APOLD1: variants seen among roughly 807,000 people sequenced by gnomAD.
APOLD1 encodes the protein apolipoprotein L domain containing 1.
Under a neutral mutation model 15.3 loss-of-function variants are expected in APOLD1, and 22 were observed. The observed-to-expected ratio is 1.44, with a 90% CI of 1.03 to 2.05. The LOEUF (loss-of-function observed/expected upper bound fraction) is 2.05, where lower values mean the gene tolerates loss of function less well. Among genes scored for constraint, APOLD1 ranks in the 30% most tolerant of loss-of-function variants. The pLI, the probability that APOLD1 is intolerant of heterozygous loss-of-function variation, is 0.00. For missense variants in APOLD1, 394 were observed against 353.5 expected (o/e 1.11, Z -0.92); for synonymous variants, 190 against 167.4 (o/e 1.13, Z -1.04).
upstream of APOLD1, among the ~76,000 whole-genome samples, chr12:12,781,414 C>A (rs141272061): frequency 0.01 from 1,581 of 151,738 alleles, 28 homozygotes; most frequent in African/African-American, 0.036. Context: ...ATTGCCTAGG[C>A]AACAAGAGCG....
chr12:12,773,660 T>C (rs1332736701), intron 1 of APOLD1, among the ~76,000 whole-genome samples: 1 of 152,176 alleles, frequency 6.6e-6, no homozygotes, highest in Non-Finnish European at 1.5e-5. Flanking sequence ...AAATGATTAA[T>C]AAAATCAATG....
chr12:12,752,257 T>C (rs1409107739), intron 1 of APOLD1, among the ~76,000 whole-genome samples: 1 of 152,142 alleles, frequency 6.6e-6, no homozygotes, highest in African/African-American at 2.4e-5. Flanking sequence ...TTAGTCTCCT[T>C]CTCTTTGTTC....
chr12:12,768,740 A>C lies in APOLD1; in HGVS notation c.97-18169A>C, dbSNP rs149755641. Among the ~76,000 whole-genome samples the C allele has an allele frequency of 9.5e-3, 1,448 of 152,030 alleles. 26 individuals carry two copies. The highest frequency in any genetic ancestry group is 0.033 in the African/African-American group (1,364 of 41,454). On this transcript the variant is annotated intron_variant, in intron 1 of 1. Coordinates refer to the APOLD1 transcript ENST00000326765. The stretch of plus-strand genomic sequence containing the variant: ...ACACAAACCACAGACTTAGGACTCA[A>C]ACTCCTCGTTTTCACTTTATGTGCA...
chr12:12,767,604 TGAGATCGTG>T (rs925788832), intron 1 of APOLD1, among the ~76,000 whole-genome samples: 6 of 152,034 alleles, frequency 3.9e-5, no homozygotes, highest in Admixed American at 3.9e-4. Context: ...GAGGTTGCAG[TGAGATCGTG>T]CCACTGCACT....
chr12:12,762,295 GAGCTGATGCAGGTAGGAAACAA>G (rs1946907428), intron 1 of APOLD1, among the ~76,000 whole-genome samples: 1 of 152,062 alleles, frequency 6.6e-6, no homozygotes, highest in African/African-American at 2.4e-5. Flanking sequence ...GCAAAAGACA[GAGCTGATGCAGGTAGGAAACAA>G]GGAAGGAATA....
At chr12:12,777,889 G>GTTTTTTTTTTTTTTTTTT (rs71436735) in intron 1 of APOLD1, among the ~76,000 whole-genome samples, 4 of 117,064 alleles carry the variant, frequency 3.4e-5, no homozygotes, top group Non-Finnish European at 5.1e-5. Context: ...AAGGAAAGGT[G>GTTTTTTTTTTTTTTTTTT]TTTTTTTTTT....
At chr12:12,781,597 T>G (rs1276127537), upstream of APOLD1, among the ~76,000 whole-genome samples, 1 of 150,240 alleles carries the variant, frequency 6.7e-6, no homozygotes, top group Non-Finnish European at 1.5e-5. Context: ...GCATGATCTC[T>G]GCTCACTGCA....
chr12:12,786,725 C>A, intron 1 of APOLD1, 184 bp from the exon 2 acceptor site: 3 of 985,416 alleles, frequency 3.0e-6, no homozygotes, highest in Non-Finnish European at 3.6e-6. Context: ...TGGCTCCCCC[C>A]GGATTCCAGA....
rs529651352 is a variant in APOLD1 at position 12,765,234 on chromosome 12, T to G, written c.97-21675T>G. On this transcript the variant is annotated intron_variant, in intron 1 of 1. Transcript: ENST00000326765. ...AGGAATGAAAGTTTCATTTTAAAAA[T>G]TAGAGATGAGGTCTTGCTATGTTGC... Among the ~76,000 whole-genome samples the G allele has an allele frequency of 1.7e-4, 26 of 152,168 alleles. No homozygotes were observed. The South Asian group carries it at 5.4e-3, about 32-fold the overall frequency.
At chr12:12,760,674 CCAAA>C (rs953958116) in intron 1 of APOLD1, among the ~76,000 whole-genome samples, 20 of 149,454 alleles carry the variant, frequency 1.3e-4, no homozygotes, top group African/African-American at 4.9e-4. Context: ...AACCAAACAA[CCAAA>C]CAAACAAAAC....
intron 1 of APOLD1, among the ~76,000 whole-genome samples, chr12:12,766,952 G>C (rs541453618): frequency 2.5e-4 from 38 of 152,316 alleles, no homozygotes; most frequent in African/African-American, 8.9e-4. Flanking sequence ...ATAAATAAGA[G>C]TTGGCCCCCT....
chr12:12,772,577 C>T (rs896554394), intron 1 of APOLD1, among the ~76,000 whole-genome samples: 5 of 152,130 alleles, frequency 3.3e-5, no homozygotes, highest in Non-Finnish European at 5.9e-5. Flanking sequence ...CGGACAGATC[C>T]AGTAGGCAGA....
chr12:12,778,806 C>T (rs1205130098), intron 1 of APOLD1, among the ~76,000 whole-genome samples: 1 of 152,208 alleles, frequency 6.6e-6, no homozygotes, highest in Admixed American at 6.5e-5. Context: ...CTGAGATAAT[C>T]TCTGTCAACT....
chr12:12,739,288 C>T (rs77225656), intron 1 of APOLD1, among the ~76,000 whole-genome samples: 1 of 152,172 alleles, frequency 6.6e-6, no homozygotes, highest in Non-Finnish European at 1.5e-5. Context: ...ATTCTGCTAT[C>T]GTCAAGTGGC....
At chr12:12,750,027 A>G (rs1946797763) in intron 1 of APOLD1, among the ~76,000 whole-genome samples, 1 of 152,130 alleles carries the variant, frequency 6.6e-6, no homozygotes, top group Non-Finnish European at 1.5e-5. Context: ...AAGATCCCTG[A>G]CTGTACCCCC....
chr12:12,730,070 G>A (rs4763869), intron 1 of APOLD1, among the ~76,000 whole-genome samples: 14 of 66,260 alleles, frequency 2.1e-4, no homozygotes, highest in African/African-American at 6.9e-4. Context: ...GTGTGTGTGT[G>A]TGTGTGTGAG....
chr12:12,769,017 C>T (rs1362326919), intron 1 of APOLD1, among the ~76,000 whole-genome samples: 3 of 151,760 alleles, frequency 2.0e-5, no homozygotes, highest in Admixed American at 1.3e-4. Context: ...TACTTGAGCC[C>T]AGGAGTTCAA....
upstream of APOLD1, among the ~76,000 whole-genome samples, chr12:12,783,442 C>A (rs571080347): frequency 6.6e-6 from 1 of 151,942 alleles, no homozygotes; most frequent in African/African-American, 2.4e-5. Flanking sequence ...TCCTGAGTAG[C>A]TGGGACTACA....
chr12:12,779,020 T>C (rs1256609724), intron 1 of APOLD1, among the ~76,000 whole-genome samples: 1 of 152,144 alleles, frequency 6.6e-6, no homozygotes, highest in African/African-American at 2.4e-5. Context: ...CCTTTGGCCT[T>C]CCCTGCTTCC....
Sources: allele counts gnomAD v4.1 joint callset (sites outside exome capture counted in the v4.1 genomes callset), GRCh38; gene constraint gnomAD v4.1.1; transcripts MANE v1.5; gene names NCBI Gene and HGNC (gene_info 2026-07-23, HGNC 2026-07-21).